Variants in AHR observed in about 807,000 individuals in gnomAD.
The protein encoded by AHR is AH-receptor.
AHR carries 40 observed loss-of-function variants against 86.8 expected under a neutral mutation model. The ratio of observed to expected loss-of-function variants is 0.46; its 90% confidence interval spans 0.36 to 0.60. AHR has a LOEUF of 0.60. Among genes scored for constraint, AHR ranks in the 20% least tolerant of loss-of-function variants. The pLI is 0.00. For synonymous variants in AHR, 398 were observed against 354.9 expected, an observed-to-expected ratio of 1.12 and a Z score of -1.37; for missense variants, 1,001 against 1,011.6, an observed-to-expected ratio of 0.99 and a Z score of 0.14.
chr7:17,309,813 C>CT, intron 1 of AHR, 123 bp from the exon 2 acceptor site: 1 of 838,114 alleles, frequency 1.2e-6, no homozygotes. Context: ...CTTACGTAAA[C>CT]TTTAAGTAGA....
At chr7:17,318,279 A>G (rs1192660061) in intron 2 of AHR, among the ~76,000 whole-genome samples, 4 of 152,084 alleles carry the variant, frequency 2.6e-5, no homozygotes, top group Non-Finnish European at 5.9e-5. Flanking sequence ...TTTAGGGAGT[A>G]GGGGAAATCT....
intron 2 of AHR, among the ~76,000 whole-genome samples, chr7:17,312,725 T>C (rs932702040): frequency 3.3e-5 from 5 of 152,214 alleles, no homozygotes; most frequent in African/African-American, 9.6e-5. Flanking sequence ...TAGGATCTTA[T>C]TACCTATTTG....
intron 9 of AHR, among the ~76,000 whole-genome samples, chr7:17,336,837 T>C (rs996540665): frequency 3.3e-5 from 5 of 152,190 alleles, no homozygotes; most frequent in African/African-American, 9.6e-5. Flanking sequence ...TTAGTCTTTA[T>C]TAGGATCCAA....
chr7:17,329,939 C>CT lies in AHR; in HGVS notation c.451-7dup. 2 of 1,594,912 alleles carry CT rather than the reference C, an allele frequency of 1.3e-6. No homozygotes were observed. The highest frequency in any genetic ancestry group is 1.7e-6 in the Non-Finnish European group (2 of 1,172,540). Reference sequence around the variant, plus strand: ...AGTCCTTTTGTTGTATTCCTTGTATCTTTTTTCTTTAGTCTGATGTCATAC... The same window carrying CT: ...AGTCCTTTTGTTGTATTCCTTGTATCTTTTTTTCTTTAGTCTGATGTCATAC... On this transcript the variant is annotated splice_polypyrimidine_tract_variant and intron_variant, in intron 4 of 10. Transcript: ENST00000242057.
chr7:17,339,502 A>G lies in AHR; in HGVS notation c.1677A>G (p.Glu559=). The change falls in exon 10 of 11, where the codon GAA becomes GAG. Residue 559 remains glutamate, a synonymous_variant. Coordinates refer to ENST00000242057, the MANE Select transcript of AHR (RefSeq NM_001621.5). ...DFEDIRHMQN[E]KFFRNDFSGE... Reference sequence around the variant, plus strand: ...AAGACATCAGACACATGCAGAATGAAAAATTTTTCAGAAATGATTTTTCTG... The same window carrying G: ...AAGACATCAGACACATGCAGAATGAGAAATTTTTCAGAAATGATTTTTCTG... 1.2e-6 allele frequency: 2 copies of G among 1,614,094 alleles called. No homozygotes were observed. The highest frequency in any genetic ancestry group is 1.6e-4 in the Middle Eastern group (1 of 6,062).
intron 1 of AHR, among the ~76,000 whole-genome samples, chr7:17,299,647 C>T (rs769870198): frequency 6.6e-6 from 1 of 152,218 alleles, no homozygotes; most frequent in Admixed American, 6.5e-5. Flanking sequence ...CTGCCTTGGG[C>T]TAATGGATTA....
At chr7:17,330,716 A>G (rs1315262968) in intron 5 of AHR, 40 bp from the exon 6 acceptor site, 6 of 1,516,536 alleles carry the variant, frequency 4.0e-6, no homozygotes, top group Admixed American at 2.0e-5. Context: ...ATTTTACAGC[A>G]AAATGGAAAG....
chr7:17,325,794 A>AGGC (rs954428095), intron 3 of AHR, among the ~76,000 whole-genome samples: 6 of 152,186 alleles, frequency 3.9e-5, no homozygotes, highest in Non-Finnish European at 8.8e-5. Context: ...GGCCGTTTAG[A>AGGC]GGCTGCAGGG....
Position 17,340,174 on chromosome 7 carries a change from G to T in AHR, c.2349G>T (p.Val783=). ...AGCCAGAACCTCAGCACACCCACGTGGGTCAGATGCAGTACAATCCAGTAC... is the reference window on the plus strand; with the variant it reads ...AGCCAGAACCTCAGCACACCCACGTTGGTCAGATGCAGTACAATCCAGTAC... ...QCQPEPQHTH[V]GQMQYNPVLP... is the part of the protein sequence containing the mutation. Residue 783 remains valine, a synonymous_variant, in exon 10 of 11, where the codon GTG becomes GTT. Coordinates refer to ENST00000242057, the MANE Select transcript of AHR (RefSeq NM_001621.5). 6.2e-7 allele frequency: 1 copy of T among 1,614,154 alleles called. No homozygotes were observed. Among genetic ancestry groups the T allele is most frequent in the East Asian group, 2.2e-5 (1 of 44,882 alleles).
chr7:17,334,051 C>A lies in AHR; in HGVS notation c.845C>A (p.Thr282Asn). 1 of 1,613,448 alleles carries A rather than the reference C, an allele frequency of 6.2e-7. No individual in the cohort carries two copies. Among genetic ancestry groups the A allele is most frequent in the Non-Finnish European group, 8.5e-7 (1 of 1,179,522 alleles). ...CCACCATCCATACTTGAAATCCGGA[C>A]CAAAAATTTTATCTTTAGAACCAAA... ...LQPPSILEIR[T>N]KNFIFRTKHK... Residue 282 changes from threonine (T) to asparagine (N), a missense_variant, in exon 7 of 11, where the codon ACC (threonine) becomes AAC (asparagine). Physicochemically the swap from Thr to Asn is moderately conservative, Grantham distance 65. Around this residue, in one of 2 missense-constraint regions of AHR, gnomAD observed 394 missense variants for 468.5 expected, o/e 0.84. Coordinates refer to ENST00000242057, the MANE Select transcript of AHR (RefSeq NM_001621.5).
At chr7:17,322,714 T>A (rs1332105694) in intron 3 of AHR, 107 bp downstream of exon 3, 1 of 766,472 alleles carries the variant, frequency 1.3e-6, no homozygotes, top group African/African-American at 1.8e-5. Flanking sequence ...TGCTCAATGT[T>A]TTTTGCCACT....
intron 10 of AHR, 137 bp downstream of exon 10, chr7:17,340,365 G>T: frequency 8.5e-6 from 10 of 1,170,310 alleles, no homozygotes; most frequent in African/African-American, 3.1e-5. Flanking sequence ...TATTATATCT[G>T]TGACTACCTT....
chr7:17,312,472 T>C (rs1295112944), intron 2 of AHR, among the ~76,000 whole-genome samples: 2 of 152,154 alleles, frequency 1.3e-5, no homozygotes, highest in African/African-American at 4.8e-5. Flanking sequence ...ACAGATATAT[T>C]TCTATATTTA....
At chr7:17,313,187 G>C (rs1325692523) in intron 2 of AHR, among the ~76,000 whole-genome samples, 1 of 151,994 alleles carries the variant, frequency 6.6e-6, no homozygotes, top group Non-Finnish European at 1.5e-5. Context: ...GAAAGGCAAT[G>C]CAACATTTCA....
At chr7:17,309,273 C>G (rs993942994) in intron 1 of AHR, among the ~76,000 whole-genome samples, 12 of 152,226 alleles carry the variant, frequency 7.9e-5, no homozygotes, top group African/African-American at 2.9e-4. Flanking sequence ...CATGTAAAAG[C>G]AAAAGTTGCT....
In AHR at chr7:17,300,389, A is replaced by G. The variant is rs191557049; in HGVS notation, c.65+1060A>G. 4.1e-3 allele frequency among the ~76,000 whole-genome samples: 621 copies of G among 152,340 alleles called. 5 individuals are homozygous for G. Among genetic ancestry groups the G allele is most frequent in the Middle Eastern group, 0.014 (4 of 294 alleles). On this transcript the variant is annotated intron_variant, in intron 1 of 10. Coordinates refer to ENST00000242057, the MANE Select transcript of AHR (RefSeq NM_001621.5). Reference sequence around the variant, plus strand: ...TTCTCAGACCAAATCAGAAGTGTGCATTTTGCTTAGACTCCAACTATCACT... The same window carrying G: ...TTCTCAGACCAAATCAGAAGTGTGCGTTTTGCTTAGACTCCAACTATCACT...
chr7:17,312,774 C>T (rs569591113), intron 2 of AHR, among the ~76,000 whole-genome samples: 1 of 152,116 alleles, frequency 6.6e-6, no homozygotes, highest in Non-Finnish European at 1.5e-5. Context: ...TTATCTTTAA[C>T]GTTAGATTCT....
chr7:17,321,507 C>G (rs888343897), intron 2 of AHR, among the ~76,000 whole-genome samples: 3 of 151,558 alleles, frequency 2.0e-5, no homozygotes, highest in Admixed American at 6.6e-5. Flanking sequence ...TTTGAAAGTG[C>G]TTGGCAAAAT....
At chr7:17,312,855 G>A (rs1032880019) in intron 2 of AHR, among the ~76,000 whole-genome samples, 1 of 152,188 alleles carries the variant, frequency 6.6e-6, no homozygotes, top group Admixed American at 6.6e-5. Flanking sequence ...GCATGCCCCT[G>A]CTGATAACAA....
Sources: allele counts gnomAD v4.1 joint callset (sites outside exome capture counted in the v4.1 genomes callset), GRCh38; gene constraint gnomAD v4.1.1; regional missense constraint gnomAD v4.1.1; transcripts MANE v1.5; gene names NCBI Gene and HGNC (gene_info 2026-07-23, HGNC 2026-07-21).